The following AKAP6 variants were observed in gnomAD, a reference collection of about 807,000 sequenced individuals.
The protein encoded by AKAP6 is A-kinase anchor protein 6.
In AKAP6, 58 loss-of-function variants were observed where a neutral mutation model predicts 188.5. The ratio of observed to expected loss-of-function variants is 0.31; its 90% CI spans 0.25 to 0.38. AKAP6 has a LOEUF of 0.38. AKAP6 is among the 10% of genes least tolerant of loss of function. AKAP6 has a pLI of 1.00. For synonymous variants in AKAP6, 989 were observed against 998.6 expected, an observed-to-expected ratio of 0.99 and a Z score of 0.18; for missense variants, 2,710 against 2,740.0, an observed-to-expected ratio of 0.99 and a Z score of 0.24.
chr14:32,806,414 C>A (rs952663004), intron 12 of AKAP6, among the ~76,000 whole-genome samples: 2 of 152,176 alleles, frequency 1.3e-5, no homozygotes, highest in African/African-American at 4.8e-5. Flanking sequence ...CAGTGGCTCA[C>A]CCCTCTAATT....
At chr14:32,521,168 G>T (rs1260932529) in intron 2 of AKAP6, among the ~76,000 whole-genome samples, 2 of 152,058 alleles carry the variant, frequency 1.3e-5, no homozygotes, top group Non-Finnish European at 2.9e-5. Flanking sequence ...AATAAATTAG[G>T]TATTGATGGG....
chr14:32,606,736 T>G (rs1371584934), intron 7 of AKAP6, among the ~76,000 whole-genome samples: 1 of 152,206 alleles, frequency 6.6e-6, no homozygotes, highest in Non-Finnish European at 1.5e-5. Context: ...TTATCTGTCT[T>G]CTTTGAGGCT....
At chr14:32,584,038 T>C (rs941506429) in intron 5 of AKAP6, among the ~76,000 whole-genome samples, 2 of 152,190 alleles carry the variant, frequency 1.3e-5, no homozygotes, top group African/African-American at 2.4e-5. Context: ...GTGCCTCAGA[T>C]GGAAATGCAG....
chr14:32,395,051 G>T (rs1294602301), intron 1 of AKAP6, among the ~76,000 whole-genome samples: 1 of 150,014 alleles, frequency 6.7e-6, no homozygotes, highest in African/African-American at 2.5e-5. Flanking sequence ...GTAATATGGC[G>T]TTATCCCAAA....
chr14:32,808,431 A>G (rs1200399774), intron 12 of AKAP6, among the ~76,000 whole-genome samples: 1 of 152,232 alleles, frequency 6.6e-6, no homozygotes, highest in African/African-American at 2.4e-5. Context: ...GAAATTATCA[A>G]GGGTGGAGAA....
chr14:32,733,975 G>A (rs777389077), intron 10 of AKAP6: 3 of 152,038 alleles, frequency 2.0e-5, no homozygotes, highest in Admixed American at 6.6e-5. Flanking sequence ...AATTGTTTAA[G>A]TTATGTCACA....
chr14:32,352,087 G>GTT (rs1887294349), intron 1 of AKAP6, among the ~76,000 whole-genome samples: 1 of 112,332 alleles, frequency 8.9e-6, no homozygotes, highest in Non-Finnish European at 1.7e-5. Flanking sequence ...GTGTGTGTGT[G>GTT]TGTGTGTGTG....
At chr14:32,688,686 C>A (rs1172835169) in intron 8 of AKAP6, among the ~76,000 whole-genome samples, 1 of 152,128 alleles carries the variant, frequency 6.6e-6, no homozygotes, top group Non-Finnish European at 1.5e-5. Context: ...TGATACTACA[C>A]CCGTGCAAGA....
At chr14:32,453,045 A>G (rs896338642) in intron 2 of AKAP6, among the ~76,000 whole-genome samples, 2 of 152,224 alleles carry the variant, frequency 1.3e-5, no homozygotes, top group African/African-American at 4.8e-5. Flanking sequence ...TGGTGGTAAC[A>G]TGAGCTTTAA....
At position 32,510,355 on chromosome 14, in the gene AKAP6, C is replaced by CATATATATATATGTGTATATATATGTGT. The variant is rs142164943; in HGVS notation, c.325-25189_325-25188insATGTGTATATATATGTGTATATATATAT. Among the ~76,000 whole-genome samples the CATATATATATATGTGTATATATATGTGT allele has an allele frequency of 5.4e-3, 728 of 134,286 alleles. 10 individuals carry two copies. Among genetic ancestry groups the CATATATATATATGTGTATATATATGTGT allele is most frequent in the African/African-American group, 0.013 (441 of 35,190 alleles). 88.1% of individuals were successfully genotyped at this position (134,286 alleles called of 152,430 possible). ...AATTATATAAGTAAACATATGGATACATATATATATGTGTATATATATGTG... is the reference window on the plus strand; with the variant it reads ...AATTATATAAGTAAACATATGGATACATATATATATATGTGTATATATATGTGTATATATATATGTGTATATATATGTG... On this transcript the variant is annotated intron_variant, in intron 2 of 13. Transcript: ENST00000280979.
At position 32,673,967 on chromosome 14, in the gene AKAP6, A is replaced by G. The variant is rs140128831; in HGVS notation, c.2731-4344A>G. ...TTTGATATGTGTTATGAAGGAAATT[A>G]ATCTGGATATGAAATAGAGGAAAAA... is the stretch of plus-strand genomic sequence containing the variant. On this transcript the variant is annotated intron_variant, in intron 7 of 13. Transcript: ENST00000280979. Among the ~76,000 whole-genome samples the G allele has an allele frequency of 2.6e-5, 4 of 152,300 alleles. No individual in the cohort carries two copies. In the East Asian group the frequency reaches 7.7e-4, roughly 29 times the overall value.
At chr14:32,714,965 C>T (rs1232775050) in intron 9 of AKAP6, among the ~76,000 whole-genome samples, 5 of 151,866 alleles carry the variant, frequency 3.3e-5, no homozygotes, top group African/African-American at 1.2e-4. Flanking sequence ...CGTTTGAATT[C>T]GAAGTCTACA....
intron 1 of AKAP6, among the ~76,000 whole-genome samples, chr14:32,409,630 T>TAGA (rs2138643074): frequency 6.6e-6 from 1 of 152,280 alleles, no homozygotes; most frequent in Non-Finnish European, 1.5e-5. Context: ...GTGGTTCTCA[T>TAGA]TAAAAAGTTT....
chr14:32,723,375 C>T (rs2030657792), intron 9 of AKAP6, among the ~76,000 whole-genome samples: 1 of 152,092 alleles, frequency 6.6e-6, no homozygotes, highest in Non-Finnish European at 1.5e-5. Flanking sequence ...AGATTTAACT[C>T]ATTATGGCAG....
intron 12 of AKAP6, among the ~76,000 whole-genome samples, chr14:32,786,421 C>T (rs1194941202): frequency 6.7e-6 from 1 of 149,896 alleles, no homozygotes; most frequent in Non-Finnish European, 1.5e-5. Context: ...CATTCTCCTG[C>T]CCCAGCCTCC....
chr14:32,515,761 C>A (rs1235994785), intron 2 of AKAP6, among the ~76,000 whole-genome samples: 1 of 152,124 alleles, frequency 6.6e-6, no homozygotes, highest in African/African-American at 2.4e-5. Context: ...TCATGATCAT[C>A]TTGAAGCTTT....
chr14:32,682,320 C>A (rs1889713659), intron 8 of AKAP6, among the ~76,000 whole-genome samples: 2 of 152,182 alleles, frequency 1.3e-5, no homozygotes, highest in Non-Finnish European at 2.9e-5. Context: ...GAAGCCGATA[C>A]TGATCTGTGC....
chr14:32,569,685 A>G (rs970370900), intron 4 of AKAP6, among the ~76,000 whole-genome samples: 3 of 152,228 alleles, frequency 2.0e-5, no homozygotes, highest in African/African-American at 7.2e-5. Flanking sequence ...ATGTTGGTAA[A>G]TATGTATGTA....
At chr14:32,591,680 G>A (rs1367646764) in intron 5 of AKAP6, among the ~76,000 whole-genome samples, 2 of 147,270 alleles carry the variant, frequency 1.4e-5, no homozygotes, top group African/African-American at 5.0e-5. Flanking sequence ...GGAAAACAAA[G>A]GTTTTATAAT....
Sources: allele counts gnomAD v4.1 joint callset (sites outside exome capture counted in the v4.1 genomes callset), GRCh38; gene constraint gnomAD v4.1.1; transcripts MANE v1.5; gene names NCBI Gene and HGNC (gene_info 2026-07-23, HGNC 2026-07-21).